NYAP2: variants seen among roughly 807,000 people sequenced by gnomAD.
The protein encoded by NYAP2 is neuronal tyrosine-phosphorylated phosphoinositide-3-kinase adapter 2.
A neutral mutation model predicts 50.4 loss-of-function variants in NYAP2; 23 were observed. That is an observed-to-expected ratio of 0.46 (90% confidence interval 0.33 to 0.65). The LOEUF (loss-of-function observed/expected upper bound fraction) is 0.65. Among genes scored for constraint, NYAP2 ranks in the 30% least tolerant of loss-of-function variants. NYAP2 has a pLI of 0.02. For synonymous variants in NYAP2, 394 were observed against 365.2 expected, an observed-to-expected ratio of 1.08 and a Z score of -0.90; for missense variants, 885 against 861.0, an observed-to-expected ratio of 1.03 and a Z score of -0.35.
Position 225,488,085 on chromosome 2 carries a change from T to A in NYAP2, c.222-25286T>A, listed in dbSNP as rs1043301852. Among the ~76,000 whole-genome samples the A allele has an allele frequency of 2.0e-5, 3 of 152,322 alleles. No individual in the cohort carries two copies. In the East Asian group the frequency reaches 5.8e-4, roughly 29 times the overall value. Reference sequence around the variant, plus strand: ...GTTTCTTCTGACCCATATCCACGGATCATTATACAGGCTAAATCAAAATTT... The same window carrying A: ...GTTTCTTCTGACCCATATCCACGGAACATTATACAGGCTAAATCAAAATTT... On this transcript the variant is annotated intron_variant, in intron 3 of 6. Transcript: ENST00000636099.
chr2:225,624,120 T>C (rs1169276390), intron 5 of NYAP2, among the ~76,000 whole-genome samples: 1 of 152,254 alleles, frequency 6.6e-6, no homozygotes, highest in Non-Finnish European at 1.5e-5. Flanking sequence ...CTATATGTTA[T>C]TTATTTTTTC....
At chr2:225,463,064 C>T (rs1212018549) in intron 3 of NYAP2, among the ~76,000 whole-genome samples, 3 of 152,116 alleles carry the variant, frequency 2.0e-5, no homozygotes, top group Non-Finnish European at 2.9e-5. Context: ...AGAGGGGTGC[C>T]CCAATTAAGT....
intron 2 of NYAP2, among the ~76,000 whole-genome samples, chr2:225,401,389 G>T (rs1447074413): frequency 6.6e-6 from 1 of 151,946 alleles, no homozygotes; most frequent in Non-Finnish European, 1.5e-5. Context: ...CTATTTATCC[G>T]CTATTCCATA....
chr2:225,441,752 C>A (rs975813695), intron 3 of NYAP2, among the ~76,000 whole-genome samples: 3 of 152,130 alleles, frequency 2.0e-5, no homozygotes, highest in Admixed American at 6.5e-5. Flanking sequence ...GTCCTTCCCT[C>A]CATTACAATT....
chr2:225,452,852 C>T (rs1195419542), intron 3 of NYAP2, among the ~76,000 whole-genome samples: 1 of 152,194 alleles, frequency 6.6e-6, no homozygotes, highest in African/African-American at 2.4e-5. Context: ...GAGTGGTTGG[C>T]TAAAATCTAC....
intron 5 of NYAP2, among the ~76,000 whole-genome samples, chr2:225,599,435 C>A (rs1258000679): frequency 6.6e-6 from 1 of 152,136 alleles, no homozygotes; most frequent in African/African-American, 2.4e-5. Flanking sequence ...AACAGAAGGT[C>A]ATGAATTAGG....
rs139504240 is a variant in NYAP2, at chr2:225,638,788, C to G, written c.1828+11662C>G. Reference sequence around the variant, plus strand: ...GGCCCTTGAAGAACCTTTCCTTTCCCCATCTCTCCTGCTCTCTCCTGTTTC... The same window carrying G: ...GGCCCTTGAAGAACCTTTCCTTTCCGCATCTCTCCTGCTCTCTCCTGTTTC... On this transcript the variant is annotated intron_variant, in intron 6 of 6. Coordinates refer to ENST00000636099, the Ensembl canonical transcript of NYAP2. Among the ~76,000 whole-genome samples the G allele has an allele frequency of 2.0e-3, 303 of 152,258 alleles. 1 individual carries two copies. The highest frequency in any genetic ancestry group is 7.1e-3 in the African/African-American group (294 of 41,542).
chr2:225,454,557 G>C (rs1689706049), intron 3 of NYAP2, among the ~76,000 whole-genome samples: 1 of 152,148 alleles, frequency 6.6e-6, no homozygotes, highest in Non-Finnish European at 1.5e-5. Flanking sequence ...TCTTACATCA[G>C]GGGTAGGGAT....
chr2:225,485,879 C>T (rs1428675992), intron 3 of NYAP2, among the ~76,000 whole-genome samples: 1 of 152,164 alleles, frequency 6.6e-6, no homozygotes, highest in Non-Finnish European at 1.5e-5. Flanking sequence ...TGCAGCTGCC[C>T]TGTGCATGTT....
intron 3 of NYAP2, among the ~76,000 whole-genome samples, chr2:225,454,697 G>C (rs945145182): frequency 6.6e-6 from 1 of 152,156 alleles, no homozygotes; most frequent in East Asian, 1.9e-4. Flanking sequence ...CGCATGCGAA[G>C]AATCTAGTTA....
At chr2:225,464,881 C>A (rs776652244) in intron 3 of NYAP2, among the ~76,000 whole-genome samples, 2 of 152,124 alleles carry the variant, frequency 1.3e-5, no homozygotes, top group Non-Finnish European at 2.9e-5. Flanking sequence ...ATCTGTAATG[C>A]GTGTTCGTTT....
At chr2:225,502,755 G>GCC (rs375940999) in intron 3 of NYAP2, among the ~76,000 whole-genome samples, 202 of 152,186 alleles carry the variant, frequency 1.3e-3, no homozygotes, top group African/African-American at 4.7e-3. Flanking sequence ...GGTTGTTAGG[G>GCC]CCCCAGGACT....
intron 4 of NYAP2, among the ~76,000 whole-genome samples, chr2:225,528,421 G>T (rs1691193871): frequency 6.6e-6 from 1 of 152,034 alleles, no homozygotes; most frequent in African/African-American, 2.4e-5. Context: ...CAAAGTGCTT[G>T]GATTATTTTA....
chr2:225,640,638 C>T (rs573531771), intron 6 of NYAP2, among the ~76,000 whole-genome samples: 1 of 152,148 alleles, frequency 6.6e-6, no homozygotes, highest in South Asian at 2.1e-4. Flanking sequence ...GTTATGGGAT[C>T]AGCCTAGAGT....
intron 5 of NYAP2, among the ~76,000 whole-genome samples, chr2:225,603,297 T>A (rs1692728399): frequency 6.6e-6 from 1 of 152,182 alleles, no homozygotes; most frequent in Admixed American, 6.5e-5. Flanking sequence ...GGTGCTAGCA[T>A]CTTTATTTTG....
chr2:225,511,039 T>C (rs1690803927), intron 3 of NYAP2, among the ~76,000 whole-genome samples: 1 of 152,118 alleles, frequency 6.6e-6, no homozygotes, highest in African/African-American at 2.4e-5. Context: ...TTACCAGAAA[T>C]GGGATGACTG....
chr2:225,430,712 G>A (rs975371371), intron 3 of NYAP2, among the ~76,000 whole-genome samples: 1 of 46,456 alleles, frequency 2.2e-5, no homozygotes, highest in Non-Finnish European at 4.3e-5. Context: ...TAACTAGAAT[G>A]CTATTTTTTT....
chr2:225,682,073 C>G, the NYAP2 span, among the ~76,000 whole-genome samples: 1 of 152,114 alleles, frequency 6.6e-6, no homozygotes, highest in Non-Finnish European at 1.5e-5. Context: ...AAGAGCCAAA[C>G]CATCCAATCA....
At chr2:225,525,404 C>T (rs1232338300) in intron 4 of NYAP2, among the ~76,000 whole-genome samples, 1 of 152,104 alleles carries the variant, frequency 6.6e-6, no homozygotes, top group Non-Finnish European at 1.5e-5. Context: ...AAAGAAAATG[C>T]AGCATACACA....
Sources: allele counts gnomAD v4.1 joint callset (sites outside exome capture counted in the v4.1 genomes callset), GRCh38; gene constraint gnomAD v4.1.1; transcripts MANE v1.5; gene names NCBI Gene and HGNC (gene_info 2026-07-23, HGNC 2026-07-21).